Variants in COL22A1 observed in about 807,000 individuals in gnomAD.
COL22A1 encodes the protein collagen alpha-1(XXII) chain.
A neutral mutation model predicts 248.9 loss-of-function variants in COL22A1; 221 were observed. The ratio of observed to expected loss-of-function variants is 0.89; its 90% confidence interval spans 0.80 to 0.99. COL22A1 has a LOEUF of 0.99. Ranked by LOEUF, COL22A1 falls within the 50% of genes least tolerant of loss-of-function variation. The pLI is 0.00. For missense variants in COL22A1, 2,240 were observed against 2,179.0 expected, an observed-to-expected ratio of 1.03 and a Z score of -0.56; for synonymous variants, 891 against 793.4, an observed-to-expected ratio of 1.12 and a Z score of -2.07.
chr8:138,801,167 G>A (rs1816967555), intron 11 of COL22A1, among the ~76,000 whole-genome samples: 1 of 152,178 alleles, frequency 6.6e-6, no homozygotes, highest in African/African-American at 2.4e-5. Flanking sequence ...TGTAGGTGAA[G>A]GTGAAGCACA....
chr8:138,720,652 G>A, intron 27 of COL22A1, 87 bp downstream of exon 27: 1 of 1,089,468 alleles, frequency 9.2e-7, no homozygotes, highest in Non-Finnish European at 1.4e-6. Flanking sequence ...TAGACGCTAT[G>A]CTTATGGTAA....
chr8:138,796,701 A>C, intron 12 of COL22A1, 118 bp downstream of exon 12: 1 of 775,758 alleles, frequency 1.3e-6, no homozygotes, highest in East Asian at 2.4e-5. Context: ...AGCCCAGGAC[A>C]CCTCTTTTCC....
intron 41 of COL22A1, 87 bp from the exon 42 acceptor site, chr8:138,663,827 C>T (rs1824202560): frequency 3.8e-6 from 4 of 1,047,650 alleles, no homozygotes; most frequent in Admixed American, 1.7e-5. Flanking sequence ...TAGACAGGTC[C>T]TCAGTTGTCC....
intron 31 of COL22A1, among the ~76,000 whole-genome samples, chr8:138,700,942 G>A (rs1052102232): frequency 4.0e-5 from 5 of 123,772 alleles, no homozygotes; most frequent in South Asian, 2.7e-4. Flanking sequence ...CCCAGATCAC[G>A]CCACTGCACT....
intron 11 of COL22A1, among the ~76,000 whole-genome samples, chr8:138,800,621 G>A (rs1361624217): frequency 4.6e-5 from 7 of 152,200 alleles, no homozygotes; most frequent in Admixed American, 1.3e-4. Context: ...CTCAATCACA[G>A]TGCTATTTGG....
intron 22 of COL22A1, among the ~76,000 whole-genome samples, chr8:138,747,861 A>T (rs1057164125): frequency 7.9e-5 from 12 of 152,186 alleles, no homozygotes; most frequent in African/African-American, 2.9e-4. Context: ...AAAAATAGGA[A>T]AAAAATTGGA....
At chr8:138,648,152 T>C (rs1408406730) in intron 46 of COL22A1, among the ~76,000 whole-genome samples, 8 of 152,222 alleles carry the variant, frequency 5.3e-5, no homozygotes, top group Non-Finnish European at 1.0e-4. Flanking sequence ...TTTAATTAGG[T>C]GAAATTATTC....
chr8:138,616,156 G>T lies in COL22A1; in HGVS notation c.3871-102C>A, dbSNP rs1564100693. The T allele has an allele frequency of 1.8e-5, 17 of 961,954 alleles. 1 individual carries two copies. The South Asian group carries it at 2.1e-4, about 12-fold the overall frequency. The allele number at this position is 961,954 out of a possible 1,614,324, so 59.6% of individuals were successfully genotyped here. On this transcript the variant is annotated intron_variant, in intron 54 of 64. Transcript: ENST00000303045. ...GAGCTGGGAGAGGTGGAGAGGCCCA[G>T]GGGCCCTGTCAACTTCCATACGCAG...
rs567715461 is a variant in COL22A1 at position 138,589,130 on chromosome 8, C to T, written c.*123G>A. On this transcript the variant is annotated 3_prime_UTR_variant, in exon 65 of 65. Coordinates refer to ENST00000303045, the MANE Select transcript of COL22A1 (RefSeq NM_152888.3). The stretch of plus-strand genomic sequence containing the variant: ...TCAAGAAAATAAAACAAAAAGCAAA[C>T]GATAAAAGAAAGAAAAAAAAAAGGA... 43 of 903,268 alleles carry T rather than the reference C, an allele frequency of 4.8e-5. No individual in the cohort carries two copies. Among genetic ancestry groups the T allele is most frequent in the Middle Eastern group, 2.3e-4 (1 of 4,374 alleles). 56.0% of individuals were successfully genotyped at this position (903,268 alleles called of 1,614,324 possible). A position where few individuals can be genotyped will look rare whatever the true frequency, so the allele number is the denominator to read the frequency against.
At chr8:138,738,545 C>T (rs1479385263) in intron 22 of COL22A1, among the ~76,000 whole-genome samples, 1 of 152,086 alleles carries the variant, frequency 6.6e-6, no homozygotes, top group Admixed American at 6.6e-5. Flanking sequence ...TAGTTCTTCC[C>T]ACCTGATCCT....
intron 32 of COL22A1, among the ~76,000 whole-genome samples, chr8:138,696,097 T>C (rs1827483673): frequency 6.6e-6 from 1 of 152,058 alleles, no homozygotes; most frequent in Non-Finnish European, 1.5e-5. Flanking sequence ...AGGTCAATGG[T>C]ACAGAGAAGG....
In COL22A1 at chr8:138,607,965, G is replaced by C; in HGVS notation, c.4003C>G (p.Pro1335Ala). The C allele has an allele frequency of 6.2e-7, 1 of 1,614,092 alleles. No individual in the cohort carries two copies. The highest frequency in any genetic ancestry group is 8.5e-7 in the Non-Finnish European group (1 of 1,179,984). ...PPGKNGSPGS[P>A]GEPGPSGTPG... The stretch of plus-strand genomic sequence containing the variant: ...GTTCCTGAAGGGCCAGGCTCTCCTG[G>C]AGATCCCGGTGATCCATTCTTGCCC... The change falls in exon 57 of 65, where the codon CCA becomes GCA. Residue 1335 changes from proline (P) to alanine (A), a missense_variant. Coordinates refer to ENST00000303045, the MANE Select transcript of COL22A1 (RefSeq NM_152888.3).
intron 12 of COL22A1, among the ~76,000 whole-genome samples, chr8:138,787,577 C>G (rs933595943): frequency 6.6e-6 from 1 of 152,142 alleles, no homozygotes; most frequent in Non-Finnish European, 1.5e-5. Context: ...GTAAATTACC[C>G]AAGCCTCTAT....
intron 1 of COL22A1, among the ~76,000 whole-genome samples, chr8:138,904,959 G>A (rs188149337): frequency 3.9e-5 from 6 of 152,254 alleles, no homozygotes; most frequent in Non-Finnish European, 7.4e-5. Flanking sequence ...CAGCCATGTG[G>A]CCTCAGCTAG....
At position 138,780,940 on chromosome 8, in the gene COL22A1, C is replaced by T. The variant is rs942063205; in HGVS notation, c.1637G>A (p.Ser546Asn). ...GLPGPPGRDG[S>N]KGMRGEPGEL... ...AACAGAACTTACTCTCATGCCTTTG[C>T]TGCCGTCTCTCCCAGGGGGGCCGGG... Residue 546 changes from serine (S) to asparagine (N), a missense_variant, in exon 13 of 65, where the codon AGC (serine) becomes AAC (asparagine). Ser to Asn is a conservative substitution (Grantham distance 46). Coordinates refer to ENST00000303045, the MANE Select transcript of COL22A1 (RefSeq NM_152888.3). 35 of 1,613,424 alleles carry T rather than the reference C, an allele frequency of 2.2e-5. No homozygotes were observed. In the Middle Eastern group the frequency reaches 4.9e-4, roughly 23 times the overall value.
rs971474909 is a variant in COL22A1 at position 138,700,194 on chromosome 8, T to G, written c.2560-50A>C. The stretch of plus-strand genomic sequence containing the variant: ...GAAAGATGGGCATCAAGGAACCCAG[T>G]GTTTCATTTTTAAAACCTGCCTTGG... On this transcript the variant is annotated intron_variant, in intron 31 of 64. Transcript: ENST00000303045. The G allele has an allele frequency of 3.8e-6, 6 of 1,588,252 alleles. No homozygotes were observed. The African/African-American group carries it at 5.4e-5, about 14-fold the overall frequency.
intron 19 of COL22A1, 53 bp from the exon 20 acceptor site, chr8:138,755,564 T>A (rs1165100154): frequency 6.3e-7 from 1 of 1,585,984 alleles, no homozygotes; most frequent in East Asian, 2.2e-5. Flanking sequence ...GCAACCACAG[T>A]CAACCTCTCT....
chr8:138,661,950 G>A, intron 43 of COL22A1, 80 bp downstream of exon 43: 3 of 1,090,432 alleles, frequency 2.8e-6, no homozygotes, highest in Non-Finnish European at 2.7e-6. Flanking sequence ...GGTCAAAGGA[G>A]GCCAGGAGAT....
chr8:138,765,543 G>C (rs973614530), intron 16 of COL22A1, among the ~76,000 whole-genome samples: 1 of 152,260 alleles, frequency 6.6e-6, no homozygotes, highest in Non-Finnish European at 1.5e-5. Flanking sequence ...ATCCGGGCCT[G>C]AGTGACTCAG....
Sources: allele counts gnomAD v4.1 joint callset (sites outside exome capture counted in the v4.1 genomes callset), GRCh38; gene constraint gnomAD v4.1.1; transcripts MANE v1.5; gene names NCBI Gene and HGNC (gene_info 2026-07-23, HGNC 2026-07-21).